Variants in TTL observed in about 807,000 individuals in gnomAD.
The protein encoded by TTL is tubulin--tyrosine ligase.
TTL carries 10 observed loss-of-function variants against 41.1 expected under a neutral mutation model. That is an observed-to-expected ratio of 0.24 (90% CI 0.15 to 0.41). The LOEUF (loss-of-function observed/expected upper bound fraction) is 0.41, where lower values mean the gene tolerates loss of function less well. Among genes scored for constraint, TTL ranks in the 10% least tolerant of loss-of-function variants. The pLI, the probability that TTL is intolerant of heterozygous loss-of-function variation, is 1.00. For synonymous variants in TTL, 175 were observed against 175.5 expected, an observed-to-expected ratio of 1.00 and a Z score of 0.02; for missense variants, 367 against 460.4, an observed-to-expected ratio of 0.80 and a Z score of 1.86.
At position 112,534,675 on chromosome 2, in the gene TTL, A is replaced by T. The variant is rs1682567405; in HGVS notation, c.*5880A>T. 3 of 152,272 alleles carry T rather than the reference A, an allele frequency of 2.0e-5. No homozygotes were observed. Among genetic ancestry groups the T allele is most frequent in the African/African-American group, 7.2e-5 (3 of 41,462 alleles). 9.4% of individuals were successfully genotyped at this position (152,272 alleles called of 1,614,324 possible). Reference sequence around the variant, plus strand: ...AAAAAAAATCAACAGCAATTGTTGAACATCTCAGCTTCCTAAGGTGGCTGT... The same window carrying T: ...AAAAAAAATCAACAGCAATTGTTGATCATCTCAGCTTCCTAAGGTGGCTGT... On this transcript the variant is annotated 3_prime_UTR_variant, in exon 7 of 7. Transcript: ENST00000233336.
rs33990458 is a variant in TTL, at chr2:112,517,156, C to CAAA, written c.876-3105_876-3103dup. On this transcript the variant is annotated intron_variant, in intron 5 of 6. Coordinates refer to ENST00000233336, the MANE Select transcript of TTL (RefSeq NM_153712.5). ...TGTATTATTAATCTTGAGCTTTCAG[C>CAAA]AAAAAAAAAAAAAAAAAAAAAAATT... Among the ~76,000 whole-genome samples, 243 of 105,528 alleles carry CAAA rather than the reference C, an allele frequency of 2.3e-3. 1 individual carries two copies. The highest frequency in any genetic ancestry group is 7.9e-3 in the African/African-American group (226 of 28,448). The allele number at this position is 105,528 out of a possible 152,430, so 69.2% of individuals were successfully genotyped here.
intron 1 of TTL, chr2:112,483,932 G>T (rs1681163864): frequency 6.6e-6 from 1 of 152,190 alleles, no homozygotes; most frequent in Non-Finnish European, 1.5e-5. Flanking sequence ...TGATCTGAAA[G>T]GAGAGGAAGA....
At chr2:112,518,135 ATTT>A (rs34617627) in intron 5 of TTL, among the ~76,000 whole-genome samples, 12 of 135,918 alleles carry the variant, frequency 8.8e-5, no homozygotes, top group Non-Finnish European at 7.9e-5. Flanking sequence ...CAGCCAACTA[ATTT>A]TTTTTTTTTT....
intron 4 of TTL, among the ~76,000 whole-genome samples, chr2:112,502,637 CA>C (rs59408840): frequency 0.21 from 25,689 of 122,930 alleles, 2,256 homozygotes; most frequent in East Asian, 0.32. Context: ...AACTCCATCT[CA>C]AAAAAAAAAA....
intron 2 of TTL, among the ~76,000 whole-genome samples, chr2:112,487,269 CCT>C (rs1374239345): frequency 2.0e-5 from 3 of 152,182 alleles, no homozygotes; most frequent in Non-Finnish European, 2.9e-5. Context: ...TGTACCCACT[CCT>C]CTCTGTGATG....
intron 5 of TTL, among the ~76,000 whole-genome samples, chr2:112,509,787 G>A (rs573706397): frequency 1.1e-4 from 16 of 152,172 alleles, no homozygotes; most frequent in South Asian, 2.1e-4. Context: ...CTTCTGCGTC[G>A]CTCACGCTGG....
At chr2:112,488,981 G>A (rs998964837) in intron 2 of TTL, among the ~76,000 whole-genome samples, 5 of 151,918 alleles carry the variant, frequency 3.3e-5, no homozygotes, top group African/African-American at 1.2e-4. Context: ...CAGCTACTTG[G>A]GAGGCTGAGG....
intron 6 of TTL, 73 bp downstream of exon 6, chr2:112,520,498 G>A: frequency 6.4e-7 from 1 of 1,573,260 alleles, no homozygotes; most frequent in African/African-American, 1.3e-5. Context: ...GTGGGTACAA[G>A]TGTAGTCACT....
Position 112,539,320 on chromosome 2 carries a change from T to G in TTL, c.*10525T>G, listed in dbSNP as rs1682668009. ...CACATGTACCCCCCTGATTCTAAAATAAACGTTGAGAAGGGGAAAAGAAAG... is the reference window on the plus strand; with the variant it reads ...CACATGTACCCCCCTGATTCTAAAAGAAACGTTGAGAAGGGGAAAAGAAAG... On this transcript the variant is annotated 3_prime_UTR_variant, in exon 7 of 7. Transcript: ENST00000233336. 1 of 151,878 alleles carries G rather than the reference T, an allele frequency of 6.6e-6. No homozygotes were observed. The highest frequency in any genetic ancestry group is 1.5e-5 in the Non-Finnish European group (1 of 67,994). 9.4% of individuals were successfully genotyped at this position (151,878 alleles called of 1,614,324 possible). A position where few individuals can be genotyped will look rare whatever the true frequency, so the allele number is the denominator to read the frequency against.
At chr2:112,516,755 C>G (rs2104469996) in intron 5 of TTL, among the ~76,000 whole-genome samples, 1 of 152,252 alleles carries the variant, frequency 6.6e-6, no homozygotes, top group South Asian at 2.1e-4. Context: ...TTCTACCATC[C>G]ACCATGTCAA....
At chr2:112,514,920 T>TC (rs1414782515) in intron 5 of TTL, among the ~76,000 whole-genome samples, 1 of 152,354 alleles carries the variant, frequency 6.6e-6, no homozygotes, top group Non-Finnish European at 1.5e-5. Context: ...CTCATTCTTT[T>TC]CGTCTGACAT....
rs1682612739 is a variant in TTL at position 112,537,057 on chromosome 2, A to G, written c.*8262A>G. On this transcript the variant is annotated 3_prime_UTR_variant, in exon 7 of 7. Transcript: ENST00000233336. ...GATATATACCCAGTAATGGGAGGCT[A>G]TGTTGAATGGTAGCTCTGTTTTTGT... 2 of 152,642 alleles carry G rather than the reference A, an allele frequency of 1.3e-5. No individual in the cohort carries two copies. Among genetic ancestry groups the G allele is most frequent in the Non-Finnish European group, 2.9e-5 (2 of 68,416 alleles). The allele number at this position is 152,642 out of a possible 1,614,324, so 9.5% of individuals were successfully genotyped here.
Position 112,526,912 on chromosome 2 carries a change from C to G in TTL, c.1020-1769C>G, listed in dbSNP as rs186547663. ...CAATTTTAGATCTTTCCTGCTTTCT[C>G]TTGTGGGCATTTAGTGCTATAAATT... is the stretch of plus-strand genomic sequence containing the variant. On this transcript the variant is annotated intron_variant, in intron 6 of 6. Transcript: ENST00000233336. Among the ~76,000 whole-genome samples the G allele has an allele frequency of 3.5e-4, 54 of 152,274 alleles. 1 individual carries two copies. The East Asian group carries it at 0.01, about 28-fold the overall frequency.
intron 3 of TTL, among the ~76,000 whole-genome samples, chr2:112,499,276 T>C (rs1681624422): frequency 6.6e-6 from 1 of 152,210 alleles, no homozygotes; most frequent in African/African-American, 2.4e-5. Flanking sequence ...ATCACACCAC[T>C]GTGTGACAGA....
chr2:112,484,302 C>T (rs137875395), intron 1 of TTL, among the ~76,000 whole-genome samples: 1,567 of 148,448 alleles, frequency 0.011, 27 homozygotes, highest in African/African-American at 0.037. Flanking sequence ...CTCACTCTGT[C>T]GCCCAGGCTG....
In TTL at chr2:112,541,310, A is replaced by G. The variant is rs1215420423; in HGVS notation, c.*12515A>G. ...AATGGGAGAAAAATATTTGCAAATC[A>G]TGGATCTGACAAGGACTAGTATAGG... is the stretch of plus-strand genomic sequence containing the variant. On this transcript the variant is annotated 3_prime_UTR_variant, in exon 7 of 7. Transcript: ENST00000233336. 3.3e-5 allele frequency: 5 copies of G among 152,182 alleles called. No homozygotes were observed. Among genetic ancestry groups the G allele is most frequent in the South Asian group, 2.1e-4 (1 of 4,828 alleles). The allele number at this position is 152,182 out of a possible 1,614,324, so 9.4% of individuals were successfully genotyped here.
At chr2:112,490,016 T>A (rs1489146433) in intron 2 of TTL, among the ~76,000 whole-genome samples, 1 of 152,168 alleles carries the variant, frequency 6.6e-6, no homozygotes, top group Non-Finnish European at 1.5e-5. Context: ...GAGAACACAG[T>A]ATCATTAAAT....
rs769115692 is a variant in TTL, at chr2:112,531,230, G to T, written c.*2435G>T. On this transcript the variant is annotated 3_prime_UTR_variant, in exon 7 of 7. Coordinates refer to ENST00000233336, the MANE Select transcript of TTL (RefSeq NM_153712.5). ...TGATGTCCTTGACACAGAAGGTTAT[G>T]CCTGGCTCCCAGTCAGGCTTCATAC... The T allele has an allele frequency of 1.3e-5, 3 of 223,972 alleles. No homozygotes were observed. Among genetic ancestry groups the T allele is most frequent in the Non-Finnish European group, 2.7e-5 (3 of 111,952 alleles). 13.9% of individuals were successfully genotyped at this position (223,972 alleles called of 1,614,324 possible).
rs966877515 is a variant in TTL, at chr2:112,541,214, GA to G, written c.*12426del. The G allele has an allele frequency of 6.6e-6, 1 of 151,792 alleles. No individual in the cohort carries two copies. The highest frequency in any genetic ancestry group is 1.9e-4 in the East Asian group (1 of 5,202). The allele number at this position is 151,792 out of a possible 1,614,324, so 9.4% of individuals were successfully genotyped here. A position where few individuals can be genotyped will look rare whatever the true frequency, so the allele number is the denominator to read the frequency against. Reference sequence around the variant, plus strand: ...TGATATAAAAAGACAGGCAACAAAAGAAAAAAACTACACTTCAAAATTAAAA... The same window carrying G: ...TGATATAAAAAGACAGGCAACAAAAGAAAAAACTACACTTCAAAATTAAAA... On this transcript the variant is annotated 3_prime_UTR_variant, in exon 7 of 7. Transcript: ENST00000233336.
Sources: gnomAD v4.1 joint callset for allele counts (sites outside exome capture counted in the v4.1 genomes callset) on GRCh38, gnomAD v4.1.1 for gene constraint, MANE v1.5 for transcripts, NCBI Gene and HGNC (gene_info 2026-07-23, HGNC 2026-07-21) for gene names.